TRAF7: variants seen among roughly 807,000 people sequenced by gnomAD.
TRAF7 encodes E3 ubiquitin-protein ligase TRAF7.
Under a neutral mutation model 89.3 loss-of-function variants are expected in TRAF7, and 45 were observed. The observed-to-expected ratio is 0.50, with a 90% CI of 0.40 to 0.65. TRAF7 has a LOEUF of 0.65. Among genes scored for constraint, TRAF7 ranks in the 30% least tolerant of loss-of-function variants. The probability of loss-of-function intolerance (pLI) is 0.00; values close to 1 mark genes in which losing one functional copy is unlikely to be tolerated. For missense variants in TRAF7, 677 were observed against 918.1 expected, an observed-to-expected ratio of 0.74 and a Z score of 3.39; for synonymous variants, 406 against 369.2, an observed-to-expected ratio of 1.10 and a Z score of -1.14.
At chr16:2,164,347 C>T (rs188262698) in intron 2 of TRAF7, among the ~76,000 whole-genome samples, 141 of 137,032 alleles carry the variant, frequency 1.0e-3, no homozygotes, top group African/African-American at 2.6e-3. Context: ...CTGCGTGGCG[C>T]GGCCTGGTTG....
intron 12 of TRAF7, 23 bp downstream of exon 12, chr16:2,173,859 T>TGGGGGCGCGCCCCCCCC: frequency 8.0e-7 from 1 of 1,246,254 alleles, no homozygotes; most frequent in Non-Finnish European, 1.1e-6. Context: ...CCGCCGTGGC[T>TGGGGGCGCGCCCCCCCC]CCCGCCCACC....
chr16:2,175,753 C>T lies in TRAF7; in HGVS notation c.1627-81C>T, dbSNP rs2093133037. ...CTGGCTGGGTGGGTGGGCTGCCCAG[C>T]AGTGCTGAAGCCCTGGGGGTGCGGG... On this transcript the variant is annotated intron_variant, in intron 17 of 20. Coordinates refer to ENST00000326181, the MANE Select transcript of TRAF7 (RefSeq NM_032271.3). 1.3e-5 allele frequency: 21 copies of T among 1,595,736 alleles called. No individual in the cohort carries two copies. In the South Asian group the frequency reaches 2.4e-4, roughly 18 times the overall value.
Position 2,168,572 on chromosome 16 carries a change from G to A in TRAF7, c.231+404G>A, listed in dbSNP as rs2093096157. The A allele has an allele frequency of 5.6e-6, 1 of 179,900 alleles. No individual in the cohort carries two copies. The highest frequency in any genetic ancestry group is 2.4e-5 in the African/African-American group (1 of 41,910). 11.1% of individuals were successfully genotyped at this position (179,900 alleles called of 1,614,324 possible). A position where few individuals can be genotyped will look rare whatever the true frequency, so the allele number is the denominator to read the frequency against. ...GCTGGGTCCAGGCAGGGTTTGAGGA[G>A]GGGTCCTGATGAGGCGGGGGGAAAG... is the stretch of plus-strand genomic sequence containing the variant. On this transcript the variant is annotated intron_variant, in intron 4 of 20. Coordinates refer to ENST00000326181, the MANE Select transcript of TRAF7 (RefSeq NM_032271.3). This position sits in a 1 kb window ranked among gnomAD's most constrained non-coding sequence, Gnocchi z 4.1.
rs2093066115 is a variant in TRAF7 at position 2,163,618 on chromosome 16, G to A, written c.-38-265G>A. The A allele has an allele frequency of 4.6e-6, 2 of 436,324 alleles. No homozygotes were observed. Among genetic ancestry groups the A allele is most frequent in the Non-Finnish European group, 8.5e-6 (2 of 235,530 alleles). The allele number at this position is 436,324 out of a possible 1,614,324, so 27.0% of individuals were successfully genotyped here. On this transcript the variant is annotated intron_variant, in intron 1 of 20. Coordinates refer to ENST00000326181, the MANE Select transcript of TRAF7 (RefSeq NM_032271.3). The surrounding 1 kb of genome is among the most constrained non-coding windows in gnomAD (Gnocchi z 4.3). ...GTCCCTCCACCTCGGGGAAGAGCTG[G>A]ATGGGCTCTTCGGGAGCTCAGAAAG...
At chr16:2,175,658 G>A (rs2141295727) in intron 17 of TRAF7, 36 bp downstream of exon 17, 1 of 1,603,282 alleles carries the variant, frequency 6.2e-7, no homozygotes, top group Non-Finnish European at 8.5e-7. Context: ...ACAGGGCCTT[G>A]CCTCCTACCA....
chr16:2,167,870 A>AGC (rs1198439509), intron 3 of TRAF7, among the ~76,000 whole-genome samples: 1 of 152,066 alleles, frequency 6.6e-6, no homozygotes, highest in Non-Finnish European at 1.5e-5. Context: ...GACCGAGCCC[A>AGC]GCGTCCATGC....
chr16:2,156,311 C>T (rs1253683150), intron 1 of TRAF7, among the ~76,000 whole-genome samples: 1 of 152,160 alleles, frequency 6.6e-6, no homozygotes, highest in Non-Finnish European at 1.5e-5. Context: ...GCTTGCCTGG[C>T]TCCTGGCCGC....
At position 2,176,732 on chromosome 16, in the gene TRAF7, C is replaced by A; in HGVS notation, c.*158C>A. The A allele has an allele frequency of 9.2e-7, 1 of 1,087,580 alleles. No individual in the cohort carries two copies. The highest frequency in any genetic ancestry group is 1.4e-6 in the Non-Finnish European group (1 of 737,418). 67.4% of individuals were successfully genotyped at this position (1,087,580 alleles called of 1,614,324 possible). A position where few individuals can be genotyped will look rare whatever the true frequency, so the allele number is the denominator to read the frequency against. On this transcript the variant is annotated 3_prime_UTR_variant, in exon 21 of 21. Coordinates refer to ENST00000326181, the MANE Select transcript of TRAF7 (RefSeq NM_032271.3). ...AGTGCCCTCCCCGTCCCATGCTCGG[C>A]GAGCCTCCCTCTACTCGGCACTGTC...
rs1340989977 is a variant in TRAF7, at chr16:2,173,821, A to G, written c.1120A>G (p.Met374Val). Reference protein sequence around the residue: ...ELSHINARLNMGILGSYDPQQ... With the variant: ...ELSHINARLNVGILGSYDPQQ... ...GTCCCACATCAACGCGCGGCTGAAC[A>G]TGGGCATCCTAGGCTGTGAGTATGG... The change falls in exon 12 of 21, where the codon ATG becomes GTG. Residue 374 changes from methionine to valine, a missense_variant. Met to Val is a conservative substitution (Grantham distance 21). This residue lies in a region of TRAF7 where 238 missense variants were observed against 352.6 expected (regional missense o/e 0.67). Transcript: ENST00000326181. 16 of 1,610,774 alleles carry G rather than the reference A, an allele frequency of 9.9e-6. No individual in the cohort carries two copies. The highest frequency in any genetic ancestry group is 2.2e-5 in the East Asian group (1 of 44,868).
chr16:2,173,210 T>C lies in TRAF7; in HGVS notation c.823T>C (p.Tyr275His), dbSNP rs1567252202. 1 of 1,611,704 alleles carries C rather than the reference T, an allele frequency of 6.2e-7. No homozygotes were observed. The highest frequency in any genetic ancestry group is 8.5e-7 in the Non-Finnish European group (1 of 1,179,476). ...CACGTTCATCGGGAACCAGGACACTTACGAGACCCACCTGGAGACTTGCCG... is the reference window on the plus strand; with the variant it reads ...CACGTTCATCGGGAACCAGGACACTCACGAGACCCACCTGGAGACTTGCCG... Reference protein sequence around the residue: ...GCTFIGNQDTYETHLETCRFE... With the variant: ...GCTFIGNQDTHETHLETCRFE... Residue 275 changes from tyrosine (Y) to histidine (H), a missense_variant, in exon 10 of 21, where the codon TAC becomes CAC. Coordinates refer to ENST00000326181, the MANE Select transcript of TRAF7 (RefSeq NM_032271.3).
chr16:2,170,631 C>A lies in TRAF7; in HGVS notation c.249C>A (p.Pro83=), dbSNP rs2093105158. 6.2e-7 allele frequency: 1 copy of A among 1,609,638 alleles called. No individual in the cohort carries two copies. Among genetic ancestry groups the A allele is most frequent in the East Asian group, 2.3e-5 (1 of 44,188 alleles). ...EEDSMPPIST[P]RRSDSAISVR... ...CCACACAGCCCCCCATCAGCACTCCCCGCCGCTCCGACTCCGCCATCTCTG... is the reference window on the plus strand; with the variant it reads ...CCACACAGCCCCCCATCAGCACTCCACGCCGCTCCGACTCCGCCATCTCTG... The change falls in exon 5 of 21, where the codon CCC becomes CCA. Residue 83 remains proline (P), a synonymous_variant. Transcript: ENST00000326181.
chr16:2,164,221 G>T (rs942153224), intron 2 of TRAF7, among the ~76,000 whole-genome samples: 1 of 151,172 alleles, frequency 6.6e-6, no homozygotes, highest in Non-Finnish European at 1.5e-5. Flanking sequence ...GTGCTGTGTG[G>T]CGCGGCCTGG....
In TRAF7 at chr16:2,165,861, C is replaced by T. The variant is rs1208152393; in HGVS notation, c.82-18C>T. On this transcript the variant is annotated intron_variant, in intron 2 of 20. Transcript: ENST00000326181. ...TGTGTCCCGGAATGAGGCCAGGTCT[C>T]CTCCGTCCTCCCTCTAGACCAGAAT... The T allele has an allele frequency of 5.0e-6, 8 of 1,613,930 alleles. No homozygotes were observed. In the African/African-American group the frequency reaches 6.7e-5, roughly 13 times the overall value.
rs1256909780 is a variant in TRAF7 at position 2,171,680 on chromosome 16, C to T, written c.475+75C>T. The T allele has an allele frequency of 5.0e-6, 8 of 1,605,734 alleles. No individual in the cohort carries two copies. In the Admixed American group the frequency reaches 1.0e-4, roughly 20 times the overall value. On this transcript the variant is annotated intron_variant, in intron 7 of 20. Transcript: ENST00000326181. ...CCGAGCAGAGGCGGGCGGCTTCTCC[C>T]TTGTCCCCTGCACAGCGTCCGGCCC...
intron 2 of TRAF7, among the ~76,000 whole-genome samples, chr16:2,165,430 T>G (rs1447721269): frequency 3.2e-5 from 4 of 124,258 alleles, no homozygotes; most frequent in Non-Finnish European, 3.3e-5. Flanking sequence ...GTCGCATGGT[T>G]AAGCGTGTTA....
chr16:2,165,610 GTGTGGCGCAGC>G (rs2093082491), intron 2 of TRAF7, among the ~76,000 whole-genome samples: 5 of 140,856 alleles, frequency 3.5e-5, no homozygotes, highest in Non-Finnish European at 7.7e-5. Flanking sequence ...TGTGAGTGCT[GTGTGGCGCAGC>G]CTGGTCGCAT....
chr16:2,172,275 A>G lies in TRAF7; in HGVS notation c.560A>G (p.His187Arg). ...GAGCAGATCGGGGAGCTCTTCATCC[A>G]CTGCCGGCACGGCTGCCGGGTAGCG... ...VAEQIGELFI[H>R]CRHGCRVAGS... The change falls in exon 8 of 21, where the codon CAC becomes CGC. Residue 187 changes from histidine to arginine, a missense_variant. His to Arg is a conservative substitution (Grantham distance 29, BLOSUM62 0). This residue lies in a region of TRAF7 where 238 missense variants were observed against 352.6 expected (regional missense o/e 0.67). Coordinates refer to ENST00000326181, the MANE Select transcript of TRAF7 (RefSeq NM_032271.3). The G allele has an allele frequency of 2.5e-6, 4 of 1,612,736 alleles. No homozygotes were observed. Among genetic ancestry groups the G allele is most frequent in the Non-Finnish European group, 3.4e-6 (4 of 1,179,918 alleles).
intron 11 of TRAF7, 49 bp downstream of exon 11, chr16:2,173,603 G>A (rs780697270): frequency 1.9e-5 from 30 of 1,601,972 alleles, no homozygotes; most frequent in Non-Finnish European, 1.7e-5. Flanking sequence ...CGGGGAGGCC[G>A]GCGGCCCCGG....
At position 2,163,237 on chromosome 16, in the gene TRAF7, G is replaced by C. The variant is rs2141269717; in HGVS notation, c.-38-646G>C. 6.6e-6 allele frequency among the ~76,000 whole-genome samples: 1 copy of C among 152,312 alleles called. No homozygotes were observed. The highest frequency in any genetic ancestry group is 1.9e-4 in the East Asian group (1 of 5,188). On this transcript the variant is annotated intron_variant, in intron 1 of 20. Coordinates refer to ENST00000326181, the MANE Select transcript of TRAF7 (RefSeq NM_032271.3). The surrounding 1 kb of genome is among the most constrained non-coding windows in gnomAD (Gnocchi z 4.3). ...CCCTGAGCCCCTGTGGCGTGGCTGG[G>C]AGTGTGGGTGACCTGCACGGGTTCC...
Sources: allele counts gnomAD v4.1 joint callset (sites outside exome capture counted in the v4.1 genomes callset), GRCh38; gene constraint gnomAD v4.1.1; regional missense constraint gnomAD v4.1.1; non-coding constraint Gnocchi (gnomAD v3.1); transcripts MANE v1.5; gene names NCBI Gene and HGNC (gene_info 2026-07-23, HGNC 2026-07-21).